The following ALG13 variants were observed in gnomAD, a reference collection of about 807,000 sequenced individuals.
ALG13 encodes UDP-N-acetylglucosamine transferase subunit ALG13.
Under a neutral mutation model 87.8 loss-of-function variants are expected in ALG13, and 11 were observed. That is an observed-to-expected ratio of 0.13 (90% CI 0.08 to 0.21). ALG13 has a LOEUF of 0.21. Among genes scored for constraint, ALG13 ranks in the 10% least tolerant of loss-of-function variants. ALG13 has a pLI of 1.00. For missense variants in ALG13, 756 were observed against 866.1 expected (o/e 0.87, Z 1.60); for synonymous variants, 320 against 306.3 (o/e 1.04, Z -0.47).
At chrX:111,699,532 G>A (rs1937447974) in intron 3 of ALG13, among the ~76,000 whole-genome samples, 1 of 111,505 alleles carries the variant, frequency 9.0e-6, no homozygotes, top group Middle Eastern at 4.6e-3. Flanking sequence ...TTATATTTAA[G>A]TTTTCAATCC....
Position 111,760,183 on chromosome X carries a change from G to T in ALG13, c.*184G>T. The T allele has an allele frequency of 1.2e-5, 6 of 497,891 alleles. No individual in the cohort carries two copies. Among genetic ancestry groups the T allele is most frequent in the Non-Finnish European group, 1.9e-5 (6 of 319,828 alleles). 41.0% of individuals were successfully genotyped at this position (497,891 alleles called of 1,213,427 possible). On this transcript the variant is annotated 3_prime_UTR_variant, in exon 27 of 27. Coordinates refer to ENST00000394780, the MANE Select transcript of ALG13 (RefSeq NM_001099922.3). ...AAATTAAGGGGTATTATTTTGGGCT[G>T]TGACTAAGGAAATTGAGATGGATGT...
chrX:111,743,401 G>T (rs1467564426), intron 23 of ALG13, among the ~76,000 whole-genome samples: 1 of 111,918 alleles, frequency 8.9e-6, no homozygotes, highest in Non-Finnish European at 1.9e-5. Context: ...ACAGCTAGTT[G>T]AGCAAGCTTT....
chrX:111,732,572 C>T (rs1942813397), intron 21 of ALG13, among the ~76,000 whole-genome samples: 1 of 111,899 alleles, frequency 8.9e-6, no homozygotes, highest in Non-Finnish European at 1.9e-5. Context: ...GACCAAGTAA[C>T]ATGGTCATTC....
intron 3 of ALG13, among the ~76,000 whole-genome samples, chrX:111,686,857 AT>A (rs1305806128): frequency 1.8e-5 from 2 of 112,310 alleles, no homozygotes; most frequent in African/African-American, 6.5e-5. Context: ...TTTTATTTTT[AT>A]TTTTTTACAG....
At chrX:111,707,947 T>G in intron 3 of ALG13, 80 bp from the exon 4 acceptor site, 2 of 1,020,162 alleles carry the variant, frequency 2.0e-6, no homozygotes, top group Non-Finnish European at 2.6e-6. Flanking sequence ...TCTAAGTACT[T>G]TCTCCCTCCC....
At chrX:111,704,477 A>C (rs1252117967) in intron 3 of ALG13, among the ~76,000 whole-genome samples, 1 of 112,301 alleles carries the variant, frequency 8.9e-6, no homozygotes, top group East Asian at 2.8e-4. Flanking sequence ...TGAATGGATA[A>C]ACAAATTTTG....
chrX:111,756,135 A>G (rs1252622411), intron 25 of ALG13, among the ~76,000 whole-genome samples: 5 of 111,923 alleles, frequency 4.5e-5, no homozygotes, highest in Non-Finnish European at 9.4e-5. Context: ...GAAGCTGGCA[A>G]CCATTCTCAG....
intron 3 of ALG13, among the ~76,000 whole-genome samples, chrX:111,694,188 C>T (rs760751901): frequency 1.3e-4 from 14 of 109,969 alleles, no homozygotes; most frequent in Admixed American, 5.8e-4. Context: ...GGACTACAGG[C>T]GCCCACCACC....
chrX:111,718,007 T>C, intron 9 of ALG13, 80 bp downstream of exon 9: 1 of 1,082,909 alleles, frequency 9.2e-7, no homozygotes, highest in Non-Finnish European at 1.3e-6. Context: ...AATAGCCCCT[T>C]TAAAACCTTG....
At chrX:111,689,783 A>G in intron 3 of ALG13, 6 of 750,728 alleles carry the variant, frequency 8.0e-6, no homozygotes, top group Non-Finnish European at 9.4e-6. Context: ...TGCATAATAT[A>G]TGTTGTAAGC....
chrX:111,688,546 G>C, intron 3 of ALG13: 1 of 745,275 alleles, frequency 1.3e-6, no homozygotes, highest in East Asian at 1.5e-4. Flanking sequence ...CTAAAGAACA[G>C]AGTGGAGTGG....
At chrX:111,733,770 C>A (rs1942960290) in intron 21 of ALG13, among the ~76,000 whole-genome samples, 1 of 111,340 alleles carries the variant, frequency 9.0e-6, no homozygotes, top group Admixed American at 9.5e-5. Flanking sequence ...TACACTGCCA[C>A]CAACAGTATA....
chrX:111,685,728 A>G (rs1363731360), intron 3 of ALG13, among the ~76,000 whole-genome samples: 2 of 112,135 alleles, frequency 1.8e-5, no homozygotes, highest in Non-Finnish European at 3.8e-5. Flanking sequence ...GCTGGGGTGA[A>G]GACTGATTAG....
In ALG13 at chrX:111,760,025, C is replaced by T. The variant is rs1351371555; in HGVS notation, c.*26C>T. Reference sequence around the variant, plus strand: ...GATCCAGCAGTATGAAGTATTCTTGCACTGCCATTTTCTTGCTGTTTTTGT... The same window carrying T: ...GATCCAGCAGTATGAAGTATTCTTGTACTGCCATTTTCTTGCTGTTTTTGT... On this transcript the variant is annotated 3_prime_UTR_variant, in exon 27 of 27. Coordinates refer to ENST00000394780, the MANE Select transcript of ALG13 (RefSeq NM_001099922.3). The T allele has an allele frequency of 1.7e-6, 2 of 1,186,440 alleles. No homozygotes were observed. Among genetic ancestry groups the T allele is most frequent in the Non-Finnish European group, 2.3e-6 (2 of 882,768 alleles).
chrX:111,730,102 C>A (rs1942509447), intron 19 of ALG13, among the ~76,000 whole-genome samples: 1 of 112,192 alleles, frequency 8.9e-6, no homozygotes, highest in Admixed American at 9.5e-5. Flanking sequence ...TGCTTAATCA[C>A]CACACTGTAG....
intron 21 of ALG13, among the ~76,000 whole-genome samples, chrX:111,730,881 G>A (rs1254740593): frequency 1.8e-5 from 2 of 112,140 alleles, no homozygotes; most frequent in Non-Finnish European, 3.8e-5. Flanking sequence ...TACATGTCTA[G>A]TAGAGGTCTG....
At chrX:111,681,971 G>C (rs1933480463) in intron 1 of ALG13, 161 bp from the exon 2 acceptor site, 1 of 863,045 alleles carries the variant, frequency 1.2e-6, no homozygotes, top group Admixed American at 4.1e-5. Flanking sequence ...TCGGGCCCCG[G>C]ACCAGAAAAT....
intron 3 of ALG13, among the ~76,000 whole-genome samples, chrX:111,698,650 A>G (rs941743897): frequency 1.8e-5 from 2 of 111,850 alleles, no homozygotes; most frequent in African/African-American, 6.5e-5. Context: ...CTTAGCATAT[A>G]ACGTCCTCTA....
intron 19 of ALG13, among the ~76,000 whole-genome samples, chrX:111,729,296 T>C (rs16986616): frequency 0.054 from 6,015 of 111,690 alleles, 392 homozygotes; most frequent in African/African-American, 0.19. Flanking sequence ...ATTGAAACAA[T>C]TGTGGAGCAT....
Sources: allele counts gnomAD v4.1 joint callset (sites outside exome capture counted in the v4.1 genomes callset), GRCh38; gene constraint gnomAD v4.1.1; transcripts MANE v1.5; gene names NCBI Gene and HGNC (gene_info 2026-07-23, HGNC 2026-07-21).